Variants in XYLT1 observed in about 807,000 individuals in gnomAD.
XYLT1 encodes the protein beta-D-xylosyltransferase 1.
Under a neutral mutation model 91.3 loss-of-function variants are expected in XYLT1, and 36 were observed. The observed-to-expected ratio is 0.39, with a 90% CI of 0.30 to 0.52. The LOEUF is 0.52. Among genes scored for constraint, XYLT1 ranks in the 20% least tolerant of loss-of-function variants. XYLT1 has a pLI of 0.68. For missense variants in XYLT1, 1,242 were observed against 1,284.5 expected, an observed-to-expected ratio of 0.97 and a Z score of 0.51; for synonymous variants, 588 against 532.0, an observed-to-expected ratio of 1.11 and a Z score of -1.45.
At chr16:17,384,349 T>A (rs2035720941) in intron 1 of XYLT1, among the ~76,000 whole-genome samples, 1 of 151,654 alleles carries the variant, frequency 6.6e-6, no homozygotes, top group Non-Finnish European at 1.5e-5. Flanking sequence ...GCCCATTCTG[T>A]CTCTCGGCTG....
chr16:17,139,038 A>T lies in XYLT1; in HGVS notation c.1588-507T>A, dbSNP rs1281870085. Among the ~76,000 whole-genome samples, 4 of 152,272 alleles carry T rather than the reference A, an allele frequency of 2.6e-5. No homozygotes were observed. The East Asian group carries it at 5.8e-4, about 22-fold the overall frequency. ...GAGTGGGTGGGGCTGCTTGCTGTCCATGGTACTGAACCAGGTGCCATATTT... is the reference window on the plus strand; with the variant it reads ...GAGTGGGTGGGGCTGCTTGCTGTCCTTGGTACTGAACCAGGTGCCATATTT... On this transcript the variant is annotated intron_variant, in intron 7 of 11. Transcript: ENST00000261381.
chr16:17,114,159 T>G (rs1966847676), intron 11 of XYLT1, among the ~76,000 whole-genome samples: 1 of 152,254 alleles, frequency 6.6e-6, no homozygotes, highest in Admixed American at 6.5e-5. Context: ...CCTTGCCCTC[T>G]GTATAGCTTC....
intron 1 of XYLT1, among the ~76,000 whole-genome samples, chr16:17,445,112 A>C (rs2141944984): frequency 6.6e-6 from 1 of 152,138 alleles, no homozygotes; most frequent in South Asian, 2.1e-4. Context: ...CAATCCTCTC[A>C]CCTCATCCTC....
chr16:17,285,263 T>C (rs2034117686), intron 2 of XYLT1, among the ~76,000 whole-genome samples: 1 of 152,208 alleles, frequency 6.6e-6, no homozygotes, highest in South Asian at 2.1e-4. Context: ...CAGGACCCCA[T>C]GGTAGTGATG....
chr16:17,239,741 A>G (rs2033316578), intron 3 of XYLT1, among the ~76,000 whole-genome samples: 1 of 151,226 alleles, frequency 6.6e-6, no homozygotes. Flanking sequence ...CCTTCCATCC[A>G]TCCACCCACC....
At chr16:17,358,490 C>T (rs1226984682) in intron 1 of XYLT1, among the ~76,000 whole-genome samples, 3 of 152,104 alleles carry the variant, frequency 2.0e-5, no homozygotes, top group African/African-American at 7.2e-5. Context: ...AGCCACCCCA[C>T]GGGGAGGGCA....
chr16:17,301,109 G>C (rs2034388702), intron 2 of XYLT1, among the ~76,000 whole-genome samples: 1 of 151,842 alleles, frequency 6.6e-6, no homozygotes, highest in African/African-American at 2.4e-5. Flanking sequence ...GTATATGTGT[G>C]TGAGAAAAAA....
chr16:17,308,903 G>T (rs2034504733), intron 2 of XYLT1, among the ~76,000 whole-genome samples: 1 of 152,024 alleles, frequency 6.6e-6, no homozygotes. Flanking sequence ...CGCAGTGTCT[G>T]GCGCAAAATA....
chr16:17,256,086 A>T (rs2033625643), intron 3 of XYLT1, among the ~76,000 whole-genome samples: 1 of 152,158 alleles, frequency 6.6e-6, no homozygotes, highest in African/African-American at 2.4e-5. Flanking sequence ...CTAAAATAAT[A>T]TAGATGCACT....
chr16:17,470,363 TA>T (rs1189470331), intron 1 of XYLT1, 70 bp downstream of exon 1: 10 of 1,205,002 alleles, frequency 8.3e-6, no homozygotes, highest in African/African-American at 1.6e-5. Flanking sequence ...GTTCAAGGGC[TA>T]GGGGGGCGTG....
intron 3 of XYLT1, among the ~76,000 whole-genome samples, chr16:17,215,040 C>T (rs1007614833): frequency 1.3e-5 from 2 of 152,122 alleles, no homozygotes; most frequent in Non-Finnish European, 2.9e-5. Flanking sequence ...GGAGATGTGG[C>T]CTTTAAGGAG....
intron 1 of XYLT1, among the ~76,000 whole-genome samples, chr16:17,453,076 G>A (rs2036688277): frequency 6.6e-6 from 1 of 152,206 alleles, no homozygotes; most frequent in South Asian, 2.1e-4. Context: ...TTGCAGCTTT[G>A]CAGCCCTATT....
In XYLT1 at chr16:17,298,466, T is replaced by C. The variant is rs943823223; in HGVS notation, c.403-38968A>G. Among the ~76,000 whole-genome samples, 3 of 152,144 alleles carry C rather than the reference T, an allele frequency of 2.0e-5. No homozygotes were observed. In the South Asian group the frequency reaches 6.2e-4, roughly 32 times the overall value. Reference sequence around the variant, plus strand: ...GGAGCTGACGTCATTTATACCACACTGCTATTGAGTGGAGGACTGCAGAGT... The same window carrying C: ...GGAGCTGACGTCATTTATACCACACCGCTATTGAGTGGAGGACTGCAGAGT... On this transcript the variant is annotated intron_variant, in intron 2 of 11. Transcript: ENST00000261381.
rs151276787 is a variant in XYLT1 at position 17,127,053 on chromosome 16, G to T, written c.2223+613C>A. ...ATTGCAGCAGCTTAAGTGGGTGCCG[G>T]GGAAGGTTTCTCTGAAGGTGTATCA... On this transcript the variant is annotated intron_variant, in intron 10 of 11. Coordinates refer to ENST00000261381, the MANE Select transcript of XYLT1 (RefSeq NM_022166.4). Among the ~76,000 whole-genome samples the T allele has an allele frequency of 4.2e-3, 642 of 152,296 alleles. 6 individuals are homozygous for T. Among genetic ancestry groups the T allele is most frequent in the African/African-American group, 0.015 (629 of 41,564 alleles).
chr16:17,466,257 T>C (rs910712441), intron 1 of XYLT1, among the ~76,000 whole-genome samples: 5 of 152,180 alleles, frequency 3.3e-5, no homozygotes, highest in South Asian at 2.1e-4. Context: ...GGTCAAAAGA[T>C]AGAGACTCTC....
At position 17,259,164 on chromosome 16, in the gene XYLT1, G is replaced by A. The variant is rs1320176297; in HGVS notation, c.737C>T (p.Ser246Phe). ...PPHARKTGGSSPETKYDQPPK... is the reference protein window; with the variant it reads ...PPHARKTGGSFPETKYDQPPK... ...GGGCTGGTCATACTTGGTCTCGGGGGAGCTGCCCCCAGTTTTCCTGGCATG... is the reference window on the plus strand; with the variant it reads ...GGGCTGGTCATACTTGGTCTCGGGGAAGCTGCCCCCAGTTTTCCTGGCATG... Residue 246 changes from serine (S) to phenylalanine (F), a missense_variant, in exon 3 of 12, where the codon TCC becomes TTC. Ser to Phe is a radical substitution (Grantham distance 155). Around this residue, in one of 3 missense-constraint regions of XYLT1, gnomAD observed 437 missense variants for 411.5 expected, o/e 1.06. Coordinates refer to ENST00000261381, the MANE Select transcript of XYLT1 (RefSeq NM_022166.4). 4 of 1,600,480 alleles carry A rather than the reference G, an allele frequency of 2.5e-6. No homozygotes were observed. The highest frequency in any genetic ancestry group is 3.4e-6 in the Non-Finnish European group (4 of 1,173,334).
intron 6 of XYLT1, among the ~76,000 whole-genome samples, chr16:17,155,877 A>G (rs1567299550): frequency 6.6e-6 from 1 of 152,158 alleles, no homozygotes; most frequent in Non-Finnish European, 1.5e-5. Flanking sequence ...ACGGATGCAC[A>G]TCAATTATAC....
intron 2 of XYLT1, among the ~76,000 whole-genome samples, chr16:17,344,317 C>T (rs1402591919): frequency 6.9e-6 from 1 of 144,976 alleles, no homozygotes; most frequent in Admixed American, 7.0e-5. Flanking sequence ...CCCGTCTCTA[C>T]TAAAAAATAC....
intron 9 of XYLT1, among the ~76,000 whole-genome samples, chr16:17,132,083 A>G (rs890944725): frequency 6.6e-6 from 1 of 152,188 alleles, no homozygotes; most frequent in Non-Finnish European, 1.5e-5. Flanking sequence ...AATTTCCTGT[A>G]AGATCATTTA....
Sources: allele counts gnomAD v4.1 joint callset (sites outside exome capture counted in the v4.1 genomes callset), GRCh38; gene constraint gnomAD v4.1.1; regional missense constraint gnomAD v4.1.1; transcripts MANE v1.5; gene names NCBI Gene and HGNC (gene_info 2026-07-23, HGNC 2026-07-21).